PDE4D: variants seen among roughly 807,000 people sequenced by gnomAD.
The protein encoded by PDE4D is 3',5'-cyclic-AMP phosphodiesterase 4D.
In PDE4D, 24 loss-of-function variants were observed where a neutral mutation model predicts 87.4. The observed-to-expected ratio is 0.27, with a 90% CI of 0.20 to 0.39. PDE4D has a LOEUF of 0.39. PDE4D is among the 10% of genes least tolerant of loss of function. PDE4D has a pLI of 1.00. For synonymous variants in PDE4D, 384 were observed against 383.2 expected, an observed-to-expected ratio of 1.00 and a Z score of -0.02; for missense variants, 714 against 1,041.0, an observed-to-expected ratio of 0.69 and a Z score of 4.32.
At chr5:59,804,018 A>C (rs972067458) in intron 1 of PDE4D, among the ~76,000 whole-genome samples, 5 of 152,074 alleles carry the variant, frequency 3.3e-5, no homozygotes, top group Non-Finnish European at 5.9e-5. Context: ...TTTAATCCCT[A>C]ACTTTTATTT....
intron 6 of PDE4D, chr5:58,999,669 GTAAT>G: frequency 1.8e-6 from 2 of 1,118,348 alleles, no homozygotes; most frequent in Non-Finnish European, 2.2e-6. Context: ...AAGATTTTTG[GTAAT>G]TAAGTATACA....
chr5:59,969,332 G>A (rs1760434668), intron 3 of PDE4D, among the ~76,000 whole-genome samples: 1 of 152,108 alleles, frequency 6.6e-6, no homozygotes, highest in South Asian at 2.1e-4. Context: ...ATTTTATTAG[G>A]AGGAAAGATG....
chr5:59,230,778 A>T (rs749801056), intron 1 of PDE4D, among the ~76,000 whole-genome samples: 1 of 152,180 alleles, frequency 6.6e-6, no homozygotes, highest in Non-Finnish European at 1.5e-5. Flanking sequence ...AAGTGATATT[A>T]TTCAGTTTCC....
intron 1 of PDE4D, among the ~76,000 whole-genome samples, chr5:60,385,187 G>GC (rs1463967563): frequency 6.6e-6 from 1 of 152,198 alleles, no homozygotes; most frequent in Non-Finnish European, 1.5e-5. Flanking sequence ...AGCATGAGTA[G>GC]TTTTTCGAGA....
At chr5:59,772,513 C>G (rs1434540301) in intron 1 of PDE4D, among the ~76,000 whole-genome samples, 1 of 152,116 alleles carries the variant, frequency 6.6e-6, no homozygotes, top group Non-Finnish European at 1.5e-5. Context: ...ATTTGGAATC[C>G]TTGAAAATGT....
chr5:60,510,590 G>A (rs990443537), intron 1 of PDE4D, among the ~76,000 whole-genome samples: 5 of 152,178 alleles, frequency 3.3e-5, no homozygotes, highest in African/African-American at 4.8e-5. Flanking sequence ...TCCTATGGCC[G>A]GAGTATAGGC....
At chr5:60,365,470 T>G (rs766627799) in intron 1 of PDE4D, among the ~76,000 whole-genome samples, 23 of 152,128 alleles carry the variant, frequency 1.5e-4, no homozygotes, top group Admixed American at 2.6e-4. Flanking sequence ...TTACGGTTTT[T>G]TAAATCTCTC....
intron 3 of PDE4D, among the ~76,000 whole-genome samples, chr5:59,982,864 A>G (rs894670858): frequency 2.0e-5 from 3 of 152,208 alleles, no homozygotes; most frequent in African/African-American, 7.2e-5. Flanking sequence ...ACAAATATTA[A>G]CAACAACAAA....
At chr5:59,225,638 T>C (rs1213410612) in intron 1 of PDE4D, among the ~76,000 whole-genome samples, 2 of 151,646 alleles carry the variant, frequency 1.3e-5, no homozygotes, top group East Asian at 3.9e-4. Flanking sequence ...AAAGCAAAAA[T>C]AGGCAAGTGG....
chr5:59,008,775 C>T (rs4395596), intron 6 of PDE4D, among the ~76,000 whole-genome samples: 15,338 of 151,732 alleles, frequency 0.1, 1,036 homozygotes, highest in Non-Finnish European at 0.13. Context: ...GTTAAGAAAA[C>T]AGAACAACAA....
chr5:59,458,493 G>A (rs566430177), intron 1 of PDE4D, among the ~76,000 whole-genome samples: 18 of 152,320 alleles, frequency 1.2e-4, no homozygotes, highest in Admixed American at 7.8e-4. Flanking sequence ...CAAAGTAGGC[G>A]CTACTTGCCT....
At chr5:60,471,896 T>A (rs1441435584) in intron 1 of PDE4D, among the ~76,000 whole-genome samples, 2 of 152,116 alleles carry the variant, frequency 1.3e-5, no homozygotes, top group African/African-American at 4.8e-5. Flanking sequence ...TCCCAAAGTA[T>A]GCCTATGCTG....
intron 1 of PDE4D, among the ~76,000 whole-genome samples, chr5:59,589,389 G>C (rs1422484845): frequency 2.0e-5 from 3 of 152,086 alleles, no homozygotes; most frequent in Non-Finnish European, 4.4e-5. Flanking sequence ...TCATTATCAG[G>C]CATCTTGTGA....
intron 1 of PDE4D, among the ~76,000 whole-genome samples, chr5:59,652,132 C>T (rs1743611857): frequency 6.6e-6 from 1 of 152,162 alleles, no homozygotes; most frequent in African/African-American, 2.4e-5. Flanking sequence ...TGCCTTCTTC[C>T]CTCCCCTCCA....
At chr5:59,029,941 A>G (rs775646186) in intron 6 of PDE4D, among the ~76,000 whole-genome samples, 6 of 151,170 alleles carry the variant, frequency 4.0e-5, no homozygotes, top group Non-Finnish European at 7.4e-5. Context: ...TGGAGAGAGG[A>G]CAGTCTCTTC....
chr5:60,044,205 C>A (rs1768884472), intron 2 of PDE4D, among the ~76,000 whole-genome samples: 1 of 151,892 alleles, frequency 6.6e-6, no homozygotes, highest in South Asian at 2.1e-4. Flanking sequence ...GATGGACACC[C>A]CAATTGCCCC....
intron 1 of PDE4D, among the ~76,000 whole-genome samples, chr5:59,387,851 T>C (rs1278805712): frequency 6.6e-6 from 1 of 152,142 alleles, no homozygotes; most frequent in African/African-American, 2.4e-5. Flanking sequence ...TGTATTGTTG[T>C]TAACTATAGT....
At position 60,185,936 on chromosome 5, in the gene PDE4D, G is replaced by GAA. The variant is rs11451682; in HGVS notation, c.-89-251_-89-250dup. Among the ~76,000 whole-genome samples the GAA allele has an allele frequency of 0.12, 16,015 of 139,100 alleles. 951 individuals are homozygous for GAA. Among genetic ancestry groups the GAA allele is most frequent in the Non-Finnish European group, 0.13 (8,576 of 63,964 alleles). The allele number at this position is 139,100 out of a possible 152,430, so 91.3% of individuals were successfully genotyped here. On this transcript the variant is annotated intron_variant, in intron 1 of 16. Coordinates refer to the PDE4D transcript ENST00000502484. ...ATTCAACTCTACAGTTTTAGTGGCT[G>GAA]AAAAAAAAAAAAAACAGATATGATA...
intron 5 of PDE4D, among the ~76,000 whole-genome samples, chr5:59,087,744 C>T (rs1767972950): frequency 6.6e-6 from 1 of 152,162 alleles, no homozygotes. Flanking sequence ...GTGCCACAAT[C>T]TGTAACCTGT....
Sources: gnomAD v4.1 joint callset for allele counts (sites outside exome capture counted in the v4.1 genomes callset) on GRCh38, gnomAD v4.1.1 for gene constraint, MANE v1.5 for transcripts, NCBI Gene and HGNC (gene_info 2026-07-23, HGNC 2026-07-21) for gene names.